The following RNF157 variants were observed in gnomAD, a reference collection of about 807,000 sequenced individuals.
The protein encoded by RNF157 is ring finger protein 157, also known as E3 ubiquitin ligase RNF157.
A neutral mutation model predicts 88.3 loss-of-function variants in RNF157; 55 were observed. The observed-to-expected ratio is 0.62, with a 90% CI of 0.50 to 0.78. The LOEUF (loss-of-function observed/expected upper bound fraction) is 0.78. Ranked by LOEUF, RNF157 falls within the 30% of genes least tolerant of loss-of-function variation. The pLI is 0.00. For synonymous variants in RNF157, 334 were observed against 341.2 expected (o/e 0.98, Z 0.23); for missense variants, 788 against 860.8 (o/e 0.92, Z 1.06).
Position 76,240,171 on chromosome 17 carries a change from G to A in RNF157, c.70C>T (p.Arg24Cys), listed in dbSNP as rs1416910248. The change falls in exon 1 of 19, where the codon CGC becomes TGC. Residue 24 changes from arginine to cysteine, a missense_variant. Coordinates refer to ENST00000269391, the MANE Select transcript of RNF157 (RefSeq NM_052916.3). The surrounding 1 kb of genome is among the most constrained non-coding windows in gnomAD (Gnocchi z 4.4). ...EVDIPSNSVY[R>C]YPPKSGSYFA... ...CCCTCACCGGACTTGGGCGGGTAGC[G>A]GTACACGGAATTAGACGGGATGTCC... The A allele has an allele frequency of 7.2e-7, 1 of 1,383,278 alleles. No individual in the cohort carries two copies. The highest frequency in any genetic ancestry group is 9.5e-7 in the Non-Finnish European group (1 of 1,054,324). 85.7% of individuals were successfully genotyped at this position (1,383,278 alleles called of 1,614,324 possible).
Position 76,161,906 on chromosome 17 carries a change from G to C in RNF157, c.889C>G (p.Leu297Val). 1.9e-6 allele frequency: 3 copies of C among 1,614,236 alleles called. No homozygotes were observed. Among genetic ancestry groups the C allele is most frequent in the Non-Finnish European group, 2.5e-6 (3 of 1,180,050 alleles). The change falls in exon 10 of 19, where the codon CTC (leucine) becomes GTC (valine). Residue 297 changes from leucine (L) to valine (V), a missense_variant. Coordinates refer to ENST00000269391, the MANE Select transcript of RNF157 (RefSeq NM_052916.3). This position sits in a 1 kb window ranked among gnomAD's most constrained non-coding sequence, Gnocchi z 4.6. ...TLILPCRHLC[L>V]CNTCADTLRY... The stretch of plus-strand genomic sequence containing the variant: ...AGCGTGTCTGCACAGGTGTTACAGA[G>C]GCAGAGGTGGCGACAGGGCAGAATC...
Position 76,166,997 on chromosome 17 carries a change from G to C in RNF157, c.561+12C>G. 6.3e-7 allele frequency: 1 copy of C among 1,589,840 alleles called. No homozygotes were observed. On this transcript the variant is annotated intron_variant, in intron 5 of 18. Transcript: ENST00000269391. Reference sequence around the variant, plus strand: ...GAGTGGATGTGGGAAACCCTCCCCAGAGGCAGCTCACCTCCTCTTCGGCCC... The same window carrying C: ...GAGTGGATGTGGGAAACCCTCCCCACAGGCAGCTCACCTCCTCTTCGGCCC...
Position 76,155,278 on chromosome 17 carries a change from G to GA in RNF157, c.1737_1738insT (p.Leu580SerfsTer12), listed in dbSNP as rs2068745300. On this transcript the variant is annotated frameshift_variant, in exon 16 of 19. Transcript: ENST00000269391. LOFTEE classifies it high-confidence loss of function. ...TCTGCATCCTGCTCTCCAGCTGGGA[G>GA]GCCAGCAAAGTTGCTGTCTGGAGAC... The GA allele has an allele frequency of 6.2e-7, 1 of 1,614,098 alleles. No individual in the cohort carries two copies. The highest frequency in any genetic ancestry group is 1.3e-5 in the African/African-American group (1 of 74,944).
At chr17:76,149,763 G>C (rs1385025292) in intron 18 of RNF157, among the ~76,000 whole-genome samples, 1 of 152,134 alleles carries the variant, frequency 6.6e-6, no homozygotes, top group African/African-American at 2.4e-5. Flanking sequence ...GCTGGGCGCA[G>C]TGGCTCACAC....
At chr17:76,208,743 G>A (rs1422071361) in intron 2 of RNF157, among the ~76,000 whole-genome samples, 1 of 152,068 alleles carries the variant, frequency 6.6e-6, no homozygotes, top group Non-Finnish European at 1.5e-5. Flanking sequence ...AGGCCGAGAT[G>A]GGCAGATCAC....
intron 1 of RNF157, among the ~76,000 whole-genome samples, chr17:76,228,647 G>T (rs1249547335): frequency 1.3e-5 from 2 of 152,174 alleles, no homozygotes; most frequent in East Asian, 3.8e-4. Context: ...CTTGGGCTGG[G>T]CACAGTGGCT....
intron 1 of RNF157, among the ~76,000 whole-genome samples, chr17:76,228,531 T>C (rs536293425): frequency 1.3e-5 from 2 of 152,146 alleles, no homozygotes; most frequent in South Asian, 2.1e-4. Context: ...TTCCTCTCTC[T>C]CCACTGGCTT....
intron 3 of RNF157, among the ~76,000 whole-genome samples, chr17:76,168,103 C>A (rs1246568177): frequency 6.6e-6 from 1 of 152,198 alleles, no homozygotes; most frequent in Non-Finnish European, 1.5e-5. Context: ...GGCCTTACTT[C>A]TTCCCTTTCC....
At chr17:76,203,452 C>CTT (rs35848509) in intron 2 of RNF157, among the ~76,000 whole-genome samples, 13 of 138,494 alleles carry the variant, frequency 9.4e-5, no homozygotes, top group Admixed American at 1.5e-4. Context: ...AAAGTAAAAA[C>CTT]TTTTTTTTTT....
chr17:76,214,066 T>C (rs1237896512), intron 1 of RNF157, among the ~76,000 whole-genome samples: 1 of 152,204 alleles, frequency 6.6e-6, no homozygotes, highest in Non-Finnish European at 1.5e-5. Flanking sequence ...GAGGGGGTTA[T>C]GGGAACCCTG....
rs1449336804 is a variant in RNF157 at position 76,146,525 on chromosome 17, T to C, written c.1922-1172A>G. The stretch of plus-strand genomic sequence containing the variant: ...CCACTCTCAGGGTCCCCTGGCTCCC[T>C]GGGGTAGGGAAGGCATGTCGTCCTC... On this transcript the variant is annotated intron_variant, in intron 18 of 18. Transcript: ENST00000269391. The surrounding 1 kb of genome is among the most constrained non-coding windows in gnomAD (Gnocchi z 4.2). The C allele has an allele frequency of 7.1e-6, 7 of 985,296 alleles. No individual in the cohort carries two copies. Among genetic ancestry groups the C allele is most frequent in the Non-Finnish European group, 8.4e-6 (7 of 829,918 alleles). 61.0% of individuals were successfully genotyped at this position (985,296 alleles called of 1,614,324 possible). A position where few individuals can be genotyped will look rare whatever the true frequency, so the allele number is the denominator to read the frequency against.
intron 1 of RNF157, chr17:76,225,657 T>G: frequency 1.8e-6 from 2 of 1,090,770 alleles, no homozygotes; most frequent in Non-Finnish European, 2.5e-6. Flanking sequence ...CCAAATAATA[T>G]GTATTTTTTT....
chr17:76,224,633 T>C (rs2070045785), intron 1 of RNF157, among the ~76,000 whole-genome samples: 1 of 152,052 alleles, frequency 6.6e-6, no homozygotes, highest in Non-Finnish European at 1.5e-5. Flanking sequence ...CCTAATCTTT[T>C]GACTTCCCTT....
chr17:76,212,293 A>T (rs1598434224), intron 2 of RNF157, 71 bp downstream of exon 2: 2 of 1,108,540 alleles, frequency 1.8e-6, no homozygotes, highest in East Asian at 4.7e-5. Flanking sequence ...GCAACTGCAA[A>T]CTTATTTTTG....
At chr17:76,216,899 AC>A (rs1295199254) in intron 1 of RNF157, among the ~76,000 whole-genome samples, 4 of 151,842 alleles carry the variant, frequency 2.6e-5, no homozygotes, top group African/African-American at 9.7e-5. Context: ...TCAAAAAAAA[AC>A]AAAAACAAAA....
At chr17:76,182,262 G>A (rs962314509) in intron 2 of RNF157, among the ~76,000 whole-genome samples, 1 of 152,176 alleles carries the variant, frequency 6.6e-6, no homozygotes, top group South Asian at 2.1e-4. Context: ...GCTGACGAAG[G>A]CTCTGTGTGT....
chr17:76,169,651 C>T lies in RNF157; in HGVS notation c.297-1854G>A, dbSNP rs538333165. Among the ~76,000 whole-genome samples, 128 of 148,354 alleles carry T rather than the reference C, an allele frequency of 8.6e-4. No individual in the cohort carries two copies. The Middle Eastern group carries it at 0.024, about 27-fold the overall frequency. On this transcript the variant is annotated intron_variant, in intron 3 of 18. Coordinates refer to ENST00000269391, the MANE Select transcript of RNF157 (RefSeq NM_052916.3). Reference sequence around the variant, plus strand: ...CTGGAGTGCAATGGCACGATCTTGGCTCATTGCAACCTCTGCCTCCTGGAT... The same window carrying T: ...CTGGAGTGCAATGGCACGATCTTGGTTCATTGCAACCTCTGCCTCCTGGAT...
rs79349524 is a variant in RNF157 at position 76,200,970 on chromosome 17, C to T, written c.207+11394G>A. On this transcript the variant is annotated intron_variant, in intron 2 of 18. Transcript: ENST00000269391. ...AAGCCCCCAGACACTTCCTGGCACA[C>T]ATCCCAACCCCAGCGAGCAGACCCT... Among the ~76,000 whole-genome samples, 811 of 152,238 alleles carry T rather than the reference C, an allele frequency of 5.3e-3. 9 individuals carry two copies. The highest frequency in any genetic ancestry group is 0.019 in the African/African-American group (772 of 41,548).
At position 76,161,835 on chromosome 17, in the gene RNF157, G is replaced by C. The variant is rs777553734; in HGVS notation, c.952+8C>G. 6.2e-7 allele frequency: 1 copy of C among 1,613,082 alleles called. No homozygotes were observed. The highest frequency in any genetic ancestry group is 8.5e-7 in the Non-Finnish European group (1 of 1,179,234). On this transcript the variant is annotated splice_region_variant and intron_variant, in intron 10 of 18. Transcript: ENST00000269391. This position sits in a 1 kb window ranked among gnomAD's most constrained non-coding sequence, Gnocchi z 4.6. ...ACCCACCAGTCCCCCTGCCGCTCTG[G>C]GGCTTACGCAGTCGGCAGATGGGGC...
Sources: gnomAD v4.1 joint callset for allele counts (sites outside exome capture counted in the v4.1 genomes callset) on GRCh38, gnomAD v4.1.1 for gene constraint, Gnocchi (gnomAD v3.1) non-coding constraint, MANE v1.5 for transcripts, NCBI Gene and HGNC (gene_info 2026-07-23, HGNC 2026-07-21) for gene names.